Variants in PTPRT observed in about 807,000 individuals in gnomAD.
PTPRT encodes the protein protein tyrosine phosphatase receptor type T, also known as receptor-type tyrosine-protein phosphatase T.
A neutral mutation model predicts 176.8 loss-of-function variants in PTPRT; 56 were observed. The ratio of observed to expected loss-of-function variants is 0.32; its 90% CI spans 0.26 to 0.40. The LOEUF (loss-of-function observed/expected upper bound fraction) is 0.40. Among genes scored for constraint, PTPRT ranks in the 10% least tolerant of loss-of-function variants. The pLI is 1.00. For missense variants in PTPRT, 1,540 were observed against 1,908.2 expected (o/e 0.81, Z 3.60); for synonymous variants, 783 against 739.0 (o/e 1.06, Z -0.96).
intron 22 of PTPRT, among the ~76,000 whole-genome samples, chr20:42,111,888 G>T (rs979676711): frequency 6.6e-6 from 1 of 152,152 alleles, no homozygotes; most frequent in Non-Finnish European, 1.5e-5. Flanking sequence ...CCAAGGCAGG[G>T]GGACAGCATG....
intron 1 of PTPRT, among the ~76,000 whole-genome samples, chr20:43,187,426 T>G (rs1271326399): frequency 6.6e-6 from 1 of 152,020 alleles, no homozygotes; most frequent in East Asian, 1.9e-4. Context: ...AAGTCAACAT[T>G]TACAGTATTC....
Position 42,199,356 on chromosome 20 carries a change from C to T in PTPRT, c.2375G>A (p.Ser792Asn). 6.2e-7 allele frequency: 1 copy of T among 1,614,092 alleles called. No individual in the cohort carries two copies. The highest frequency in any genetic ancestry group is 8.5e-7 in the Non-Finnish European group (1 of 1,179,980). The change falls in exon 16 of 31, where the codon AGT (serine) becomes AAT (asparagine). Residue 792 changes from serine (S) to asparagine (N), a missense_variant. By Grantham distance (46) the Ser-to-Asn change is conservative. This residue lies in a region of PTPRT where 255 missense variants were observed against 250.1 expected (regional missense o/e 1.02). Coordinates refer to ENST00000373187, the MANE Select transcript of PTPRT (RefSeq NM_007050.6). ...AGGCCCCATCTCCCTCTGGGCTCCA[C>T]TCTGGGTCTCCTTCTGCTTCTTGGC... The part of the protein sequence containing the change: ...KLAKKQKETQ[S>N]GAQREMGPVA...
intron 17 of PTPRT, among the ~76,000 whole-genome samples, chr20:42,156,255 T>C (rs1229054029): frequency 1.3e-5 from 2 of 152,230 alleles, no homozygotes; most frequent in Admixed American, 6.5e-5. Flanking sequence ...TATACCTCTA[T>C]GGTGGCATTT....
intron 1 of PTPRT, among the ~76,000 whole-genome samples, chr20:43,083,547 C>T (rs1035813914): frequency 3.6e-4 from 54 of 151,076 alleles, no homozygotes; most frequent in African/African-American, 1.1e-3. Flanking sequence ...TTAATAGGGA[C>T]GGGGTTTCAC....
At chr20:42,319,080 T>A (rs140528620) in intron 11 of PTPRT, among the ~76,000 whole-genome samples, 1 of 152,196 alleles carries the variant, frequency 6.6e-6, no homozygotes, top group Non-Finnish European at 1.5e-5. Context: ...TCAGCCTGTA[T>A]ATCCCCATCA....
chr20:42,299,519 T>C (rs1401794907), intron 12 of PTPRT, among the ~76,000 whole-genome samples: 2 of 151,826 alleles, frequency 1.3e-5, no homozygotes, highest in South Asian at 2.1e-4. Flanking sequence ...TAAGTAAATA[T>C]ATGAATAATA....
chr20:42,482,314 G>T (rs2071401743), intron 7 of PTPRT, among the ~76,000 whole-genome samples: 1 of 152,110 alleles, frequency 6.6e-6, no homozygotes, highest in South Asian at 2.1e-4. Context: ...CACCACACAT[G>T]CACACCCCAT....
chr20:42,665,392 G>C (rs1342420379), intron 7 of PTPRT, among the ~76,000 whole-genome samples: 2 of 152,126 alleles, frequency 1.3e-5, no homozygotes, highest in African/African-American at 4.8e-5. Flanking sequence ...ACCACAATGA[G>C]ATACCATCTC....
At chr20:42,229,237 C>T (rs1210368374) in intron 15 of PTPRT, among the ~76,000 whole-genome samples, 1 of 152,188 alleles carries the variant, frequency 6.6e-6, no homozygotes, top group Non-Finnish European at 1.5e-5. Context: ...GGAGACTGAG[C>T]AGATCTGGGG....
chr20:42,401,937 T>G (rs2058912416), intron 9 of PTPRT, among the ~76,000 whole-genome samples: 1 of 152,204 alleles, frequency 6.6e-6, no homozygotes, highest in Non-Finnish European at 1.5e-5. Flanking sequence ...CAGAGCTTTC[T>G]CTCTACCCTA....
intron 1 of PTPRT, among the ~76,000 whole-genome samples, chr20:43,039,241 C>T (rs554821083): frequency 3.9e-5 from 6 of 152,130 alleles, no homozygotes; most frequent in African/African-American, 1.4e-4. Context: ...TAAATGAAAG[C>T]TAATTAGACC....
chr20:42,639,225 T>A (rs1490620350), intron 7 of PTPRT, among the ~76,000 whole-genome samples: 1 of 145,566 alleles, frequency 6.9e-6, no homozygotes, highest in African/African-American at 2.8e-5. Context: ...GGCATTTACA[T>A]TTTTTTTTAA....
chr20:42,478,716 A>C (rs949439926), intron 7 of PTPRT, among the ~76,000 whole-genome samples: 1 of 151,924 alleles, frequency 6.6e-6, no homozygotes, highest in Admixed American at 6.6e-5. Flanking sequence ...CTTGCCCATA[A>C]TTAATGCCTC....
At chr20:42,041,477 T>C in the PTPRT span, among the ~76,000 whole-genome samples, 1 of 152,222 alleles carries the variant, frequency 6.6e-6, no homozygotes, top group Non-Finnish European at 1.5e-5. Flanking sequence ...TCCTTTCTTT[T>C]CTTTTAATAT....
Position 42,972,683 on chromosome 20 carries a change from A to G in PTPRT, c.89-86751T>C, listed in dbSNP as rs1322878499. 2.7e-5 allele frequency among the ~76,000 whole-genome samples: 4 copies of G among 147,236 alleles called. No homozygotes were observed. In the East Asian group the frequency reaches 7.9e-4, roughly 29 times the overall value. On this transcript the variant is annotated intron_variant, in intron 1 of 30. Coordinates refer to ENST00000373187, the MANE Select transcript of PTPRT (RefSeq NM_007050.6). Reference sequence around the variant, plus strand: ...AGACTCCGTCTCAAAAAGCAAAAAAAAAAAAAAAAAAAAAAGGAAGAAGAA... The same window carrying G: ...AGACTCCGTCTCAAAAAGCAAAAAAGAAAAAAAAAAAAAAAGGAAGAAGAA...
chr20:42,067,087 T>A, the PTPRT span, among the ~76,000 whole-genome samples: 1 of 152,236 alleles, frequency 6.6e-6, no homozygotes, highest in African/African-American at 2.4e-5. Context: ...TGTTCACCCT[T>A]ACAAGCGAAG....
intron 7 of PTPRT, among the ~76,000 whole-genome samples, chr20:42,514,060 A>C (rs1028519854): frequency 6.6e-6 from 1 of 152,156 alleles, no homozygotes; most frequent in African/African-American, 2.4e-5. Flanking sequence ...GATTGTTATC[A>C]ATTTTTAGCT....
At chr20:43,103,339 C>T (rs1201278250) in intron 1 of PTPRT, among the ~76,000 whole-genome samples, 1 of 152,070 alleles carries the variant, frequency 6.6e-6, no homozygotes, top group Non-Finnish European at 1.5e-5. Flanking sequence ...GGTTAGAGAC[C>T]CCAAGAGTGT....
intron 7 of PTPRT, among the ~76,000 whole-genome samples, chr20:42,604,378 G>A (rs919556008): frequency 2.0e-5 from 3 of 152,210 alleles, no homozygotes; most frequent in African/African-American, 7.2e-5. Flanking sequence ...GTGGGGCCAT[G>A]CGATCCCTCT....
Sources: allele counts gnomAD v4.1 joint callset (sites outside exome capture counted in the v4.1 genomes callset), GRCh38; gene constraint gnomAD v4.1.1; regional missense constraint gnomAD v4.1.1; transcripts MANE v1.5; gene names NCBI Gene and HGNC (gene_info 2026-07-23, HGNC 2026-07-21).